Variants in TECPR2 observed in about 807,000 individuals in gnomAD.
TECPR2 encodes the protein tectonin beta-propeller repeat-containing protein 2.
In TECPR2, 65 loss-of-function variants were observed where a neutral mutation model predicts 138.1. The observed-to-expected ratio is 0.47, with a 90% CI of 0.39 to 0.58. The LOEUF (loss-of-function observed/expected upper bound fraction) is 0.58. TECPR2 is among the 20% of genes least tolerant of loss of function. TECPR2 has a pLI of 0.00. For missense variants in TECPR2, 1,553 were observed against 1,824.5 expected, an observed-to-expected ratio of 0.85 and a Z score of 2.71; for synonymous variants, 746 against 749.8, an observed-to-expected ratio of 0.99 and a Z score of 0.08.
chr14:102,417,127 C>T (rs1029525760), intron 5 of TECPR2, among the ~76,000 whole-genome samples: 42 of 152,206 alleles, frequency 2.8e-4, no homozygotes, highest in Admixed American at 1.3e-4. Context: ...GTGCTCTGCT[C>T]CCCAGGAACG....
intron 13 of TECPR2, 143 bp downstream of exon 13, chr14:102,446,090 A>G (rs1567345429): frequency 8.8e-7 from 1 of 1,138,208 alleles, no homozygotes; most frequent in African/African-American, 1.6e-5. Context: ...GTTTTGAAAC[A>G]AGATCTCCTT....
intron 17 of TECPR2, among the ~76,000 whole-genome samples, chr14:102,484,585 C>T (rs1890979150): frequency 6.6e-6 from 1 of 152,144 alleles, no homozygotes; most frequent in Admixed American, 6.6e-5. Context: ...GAGTCCTTGC[C>T]ATGCATCCCC....
chr14:102,445,885 C>G lies in TECPR2; in HGVS notation c.3013C>G (p.Leu1005Val), dbSNP rs1327952688. ...CTGGGCCCTGGACATCCATGGGAAC[C>G]TGTGGTTCAGAACTGGCATTATTTC... Reference protein sequence around the residue: ...TLWALDIHGNLWFRTGIISKK... With the variant: ...TLWALDIHGNVWFRTGIISKK... Residue 1005 changes from leucine (L) to valine (V), a missense_variant, in exon 13 of 20, where the codon CTG becomes GTG. Leu to Val is a conservative substitution (Grantham distance 32). Transcript: ENST00000359520. 5 of 1,613,884 alleles carry G rather than the reference C, an allele frequency of 3.1e-6. No homozygotes were observed. Among genetic ancestry groups the G allele is most frequent in the Non-Finnish European group, 4.2e-6 (5 of 1,180,018 alleles).
chr14:102,425,343 A>G, intron 6 of TECPR2, 52 bp downstream of exon 6: 3 of 1,526,586 alleles, frequency 2.0e-6, no homozygotes, highest in Non-Finnish European at 8.8e-7. Context: ...AAGAGAATGT[A>G]TCTCTATAAA....
chr14:102,433,312 C>T (rs901694441), intron 8 of TECPR2, among the ~76,000 whole-genome samples: 6 of 151,896 alleles, frequency 4.0e-5, no homozygotes, highest in South Asian at 2.1e-4. Flanking sequence ...CCTCCTCTCC[C>T]GCTCTGGAGG....
chr14:102,496,322 A>G (rs543189533), intron 17 of TECPR2, among the ~76,000 whole-genome samples: 5 of 152,220 alleles, frequency 3.3e-5, no homozygotes, highest in South Asian at 2.1e-4. Flanking sequence ...GCCTGGTCCA[A>G]CTGAGGGGTG....
At chr14:102,409,971 CT>C (rs1367988462) in intron 4 of TECPR2, among the ~76,000 whole-genome samples, 1 of 151,978 alleles carries the variant, frequency 6.6e-6, no homozygotes, top group Non-Finnish European at 1.5e-5. Context: ...CGTCTGACTA[CT>C]TTTTTGTATT....
In TECPR2 at chr14:102,432,029, CT is replaced by C. The variant is rs750908377; in HGVS notation, c.1319del (p.Leu440ArgfsTer19). 7.8e-5 allele frequency: 125 copies of C among 1,612,816 alleles called. No individual in the cohort carries two copies. Among genetic ancestry groups the C allele is most frequent in the East Asian group, 2.2e-5 (1 of 44,888 alleles). On this transcript the variant is annotated frameshift_variant, in exon 8 of 20. Coordinates refer to ENST00000359520, the MANE Select transcript of TECPR2 (RefSeq NM_014844.5). LOFTEE classifies it high-confidence loss of function. ...TPELGKGSQPLSQRFNAISSE... is the reference protein window; with the variant it reads ...TPELGKGSQPXSQRFNAISSE... ...TGAGCTGGGCAAGGGCAGCCAGCCC[CT>C]GTCACAGAGATTCAACGCCATCAGC...
intron 1 of TECPR2, among the ~76,000 whole-genome samples, chr14:102,371,049 A>G (rs1887493234): frequency 6.6e-6 from 1 of 152,180 alleles, no homozygotes; most frequent in Non-Finnish European, 1.5e-5. Context: ...GTAATTGGAG[A>G]TCTAGAGAGG....
chr14:102,465,467 G>T, intron 17 of TECPR2, 178 bp downstream of exon 17: 1 of 1,404,690 alleles, frequency 7.1e-7, no homozygotes, highest in Non-Finnish European at 9.2e-7. Context: ...TTCGGGATTT[G>T]TGAAGTTTAG....
chr14:102,436,903 C>G (rs775965631), intron 9 of TECPR2: 98 of 800,950 alleles, frequency 1.2e-4, no homozygotes, highest in Non-Finnish European at 1.5e-4. Context: ...GCCAGGCAGA[C>G]TGTCGGTGGG....
chr14:102,469,214 G>C (rs1011095024), intron 17 of TECPR2, among the ~76,000 whole-genome samples: 2 of 152,162 alleles, frequency 1.3e-5, no homozygotes, highest in African/African-American at 4.8e-5. Flanking sequence ...GTGAACATGG[G>C]ATGTCTTCCC....
intron 17 of TECPR2, among the ~76,000 whole-genome samples, chr14:102,476,381 AC>A (rs1182553281): frequency 5.4e-5 from 8 of 149,066 alleles, no homozygotes; most frequent in African/African-American, 1.7e-4. Flanking sequence ...AAAAAAAAAA[AC>A]AACAAAACAA....
chr14:102,395,702 G>T (rs1888296737), intron 2 of TECPR2, among the ~76,000 whole-genome samples: 1 of 152,134 alleles, frequency 6.6e-6, no homozygotes, highest in African/African-American at 2.4e-5. Flanking sequence ...GGAGGCTGAG[G>T]CAGGAGAATT....
chr14:102,428,222 G>GTTTTTTTTTTTTTTT lies in TECPR2; in HGVS notation c.952-20_952-6dup, dbSNP rs565236204. On this transcript the variant is annotated intron_variant, in intron 6 of 19. Coordinates refer to ENST00000359520, the MANE Select transcript of TECPR2 (RefSeq NM_014844.5). The stretch of plus-strand genomic sequence containing the variant: ...ACCGTTGTTTAGTTTTGTGTTTTTT[G>GTTTTTTTTTTTTTTT]TTTTTTTTTTTTTTTTTTTTTTGAC... 3.8e-4 allele frequency: 407 copies of GTTTTTTTTTTTTTTT among 1,058,576 alleles called. 17 individuals are homozygous for GTTTTTTTTTTTTTTT. The highest frequency in any genetic ancestry group is 1.3e-3 in the South Asian group (66 of 51,620). 65.6% of individuals were successfully genotyped at this position (1,058,576 alleles called of 1,614,324 possible). A position where few individuals can be genotyped will look rare whatever the true frequency, so the allele number is the denominator to read the frequency against.
chr14:102,392,132 G>T (rs946610997), intron 2 of TECPR2, among the ~76,000 whole-genome samples: 4 of 151,990 alleles, frequency 2.6e-5, no homozygotes, highest in Non-Finnish European at 4.4e-5. Context: ...GGGATTACAG[G>T]TGCTCGCCAC....
At chr14:102,474,314 A>G (rs1201151891) in intron 17 of TECPR2, among the ~76,000 whole-genome samples, 3 of 151,890 alleles carry the variant, frequency 2.0e-5, no homozygotes, top group Non-Finnish European at 4.4e-5. Flanking sequence ...AAAACCTAGA[A>G]GAAACTACAA....
chr14:102,418,374 G>A (rs905515219), intron 5 of TECPR2, among the ~76,000 whole-genome samples: 7 of 152,234 alleles, frequency 4.6e-5, no homozygotes, highest in African/African-American at 1.7e-4. Flanking sequence ...CATGTCAGAG[G>A]GTGCAGAGCC....
intron 1 of TECPR2, among the ~76,000 whole-genome samples, chr14:102,373,807 G>A (rs1169173629): frequency 3.9e-5 from 6 of 152,088 alleles, no homozygotes; most frequent in Non-Finnish European, 7.4e-5. Flanking sequence ...AAGGCTGGGC[G>A]CGATGGCTCA....
Sources: allele counts gnomAD v4.1 joint callset (sites outside exome capture counted in the v4.1 genomes callset), GRCh38; gene constraint gnomAD v4.1.1; transcripts MANE v1.5; gene names NCBI Gene and HGNC (gene_info 2026-07-23, HGNC 2026-07-21).